Variants in GAL3ST1 observed in about 807,000 individuals in gnomAD.
GAL3ST1 encodes the protein galactosylceramide sulfotransferase.
In GAL3ST1, 13 loss-of-function variants were observed where a neutral mutation model predicts 25.0. The observed-to-expected ratio is 0.52, with a 90% CI of 0.34 to 0.83. The LOEUF is 0.83. Among genes scored for constraint, GAL3ST1 ranks in the 40% least tolerant of loss-of-function variants. The probability of loss-of-function intolerance (pLI) is 0.02; values close to 1 mark genes in which losing one functional copy is unlikely to be tolerated. For missense variants in GAL3ST1, 474 were observed against 613.6 expected (o/e 0.77, Z 2.40); for synonymous variants, 274 against 277.8 (o/e 0.99, Z 0.14).
chr22:30,560,059 G>A (rs1217837661), intron 1 of GAL3ST1, among the ~76,000 whole-genome samples: 3 of 152,146 alleles, frequency 2.0e-5, no homozygotes, highest in Non-Finnish European at 4.4e-5. Flanking sequence ...CTTGAGCCTG[G>A]GGGGCAGAGG....
intron 3 of GAL3ST1, among the ~76,000 whole-genome samples, chr22:30,556,463 C>T (rs1357178197): frequency 1.3e-5 from 2 of 152,102 alleles, no homozygotes; most frequent in African/African-American, 2.4e-5. Flanking sequence ...GCAGTTTCCT[C>T]TGTGTCAAGT....
At chr22:30,561,941 C>T (rs2086432875) in intron 1 of GAL3ST1, among the ~76,000 whole-genome samples, 2 of 152,184 alleles carry the variant, frequency 1.3e-5, no homozygotes, top group African/African-American at 4.8e-5. Flanking sequence ...AAGATCAAGG[C>T]ACACAGAGCG....
rs371925797 is a variant in GAL3ST1 at position 30,555,964 on chromosome 22, G to A, written c.261C>T (p.Ala87=). The A allele has an allele frequency of 3.7e-6, 6 of 1,613,830 alleles. No homozygotes were observed. The African/African-American group carries it at 6.7e-5, about 18-fold the overall frequency. The part of the protein sequence containing the change: ...NIVFLKTHKT[A]SSTLLNILFR... ...ACAGGATGTTGAGCAGGGTGCTGCTGGCCGTCTTGTGCGTCTTCAAGAACA... is the reference window on the plus strand; with the variant it reads ...ACAGGATGTTGAGCAGGGTGCTGCTAGCCGTCTTGTGCGTCTTCAAGAACA... The change falls in exon 4 of 4, where the codon GCC becomes GCT. Residue 87 remains alanine (A), a synonymous_variant. Coordinates refer to ENST00000406361, the MANE Select transcript of GAL3ST1 (RefSeq NM_001318104.2). This position sits in a 1 kb window ranked among gnomAD's most constrained non-coding sequence, Gnocchi z 8.6.
intron 1 of GAL3ST1, among the ~76,000 whole-genome samples, chr22:30,572,022 G>A (rs944885721): frequency 1.3e-5 from 2 of 152,190 alleles, no homozygotes; most frequent in Non-Finnish European, 2.9e-5. Context: ...AGCTCTTCCT[G>A]CTACACTGCC....
intron 2 of GAL3ST1, 108 bp from the exon 3 acceptor site, chr22:30,557,509 C>T: frequency 1.6e-6 from 2 of 1,246,388 alleles, no homozygotes; most frequent in Non-Finnish European, 2.3e-6. Flanking sequence ...GCTCTGTGGC[C>T]CCCCAGCAGG....
At chr22:30,570,762 G>T (rs926796833) in intron 1 of GAL3ST1, among the ~76,000 whole-genome samples, 2 of 148,030 alleles carry the variant, frequency 1.4e-5, no homozygotes, top group Non-Finnish European at 3.0e-5. Context: ...CTCCAGCCTA[G>T]GCAAAAAGAA....
chr22:30,570,977 T>TACACACACACACACACACAC (rs67031445), intron 1 of GAL3ST1, among the ~76,000 whole-genome samples: 9 of 146,088 alleles, frequency 6.2e-5, no homozygotes, highest in African/African-American at 2.3e-4. Flanking sequence ...TCTGTGATGA[T>TACACACACACACACACACAC]ACACACACAC....
Position 30,569,716 on chromosome 22 carries a change from TGAA to T in GAL3ST1, c.-120+4747_-120+4749del, listed in dbSNP as rs932207116. Among the ~76,000 whole-genome samples the T allele has an allele frequency of 3.3e-5, 5 of 151,826 alleles. No homozygotes were observed. The South Asian group carries it at 6.2e-4, about 19-fold the overall frequency. On this transcript the variant is annotated intron_variant, in intron 1 of 3. Coordinates refer to ENST00000406361, the MANE Select transcript of GAL3ST1 (RefSeq NM_001318104.2). The stretch of plus-strand genomic sequence containing the variant: ...GGGAGCCTGTGCTTACGGAGCAGGG[TGAA>T]GAAGAGCTCCCTAAGGAGACAAAAC...
intron 1 of GAL3ST1, among the ~76,000 whole-genome samples, chr22:30,561,739 A>C (rs1260968844): frequency 6.6e-6 from 1 of 152,126 alleles, no homozygotes; most frequent in Non-Finnish European, 1.5e-5. Context: ...CTGTGGGCTG[A>C]GCCTGCGGCC....
chr22:30,555,687 C>G lies in GAL3ST1; in HGVS notation c.538G>C (p.Val180Leu), dbSNP rs777366443. The change falls in exon 4 of 4, where the codon GTG becomes CTG. Residue 180 changes from valine (V) to leucine (L), a missense_variant. Coordinates refer to ENST00000406361, the MANE Select transcript of GAL3ST1 (RefSeq NM_001318104.2). This position sits in a 1 kb window ranked among gnomAD's most constrained non-coding sequence, Gnocchi z 8.6. ...FESSFHYFGP[V>L]VPLTWKLSAG... is the part of the protein sequence containing the mutation. Reference sequence around the variant, plus strand: ...GAGAGCTTCCACGTGAGGGGCACCACCGGCCCGAAGTAGTGGAAGGAGGAC... The same window carrying G: ...GAGAGCTTCCACGTGAGGGGCACCAGCGGCCCGAAGTAGTGGAAGGAGGAC... The G allele has an allele frequency of 1.2e-5, 19 of 1,613,778 alleles. No homozygotes were observed. In the South Asian group the frequency reaches 2.1e-4, roughly 18 times the overall value.
intron 1 of GAL3ST1, among the ~76,000 whole-genome samples, chr22:30,562,519 T>A (rs914856093): frequency 1.3e-5 from 2 of 152,190 alleles, no homozygotes; most frequent in Admixed American, 1.3e-4. Context: ...CAACTCATAT[T>A]AATTATTATC....
intron 1 of GAL3ST1, among the ~76,000 whole-genome samples, chr22:30,568,133 G>A (rs1291423936): frequency 6.6e-6 from 1 of 152,224 alleles, no homozygotes; most frequent in Non-Finnish European, 1.5e-5. Context: ...GCGTGTGATG[G>A]ACAACGGATT....
At chr22:30,570,282 A>G (rs1601982837) in intron 1 of GAL3ST1, among the ~76,000 whole-genome samples, 1 of 152,124 alleles carries the variant, frequency 6.6e-6, no homozygotes, top group African/African-American at 2.4e-5. Context: ...AACTCTCCCT[A>G]TGATGTTCGT....
chr22:30,555,178 GC>G lies in GAL3ST1; in HGVS notation c.1046del (p.Gly349AlafsTer53). The G allele has an allele frequency of 1.2e-6, 2 of 1,601,752 alleles. No homozygotes were observed. Among genetic ancestry groups the G allele is most frequent in the Non-Finnish European group, 1.7e-6 (2 of 1,176,330 alleles). On this transcript the variant is annotated frameshift_variant, in exon 4 of 4. Transcript: ENST00000406361. LOFTEE classifies it high-confidence loss of function. The surrounding 1 kb of genome is among the most constrained non-coding windows in gnomAD (Gnocchi z 8.6). ...GGATGGCGGCGGCGTCCACGGCGTGGCCCCCGTCGATGCAGATGGTCCGCAT... is the reference window on the plus strand; with the variant it reads ...GGATGGCGGCGGCGTCCACGGCGTGGCCCCGTCGATGCAGATGGTCCGCAT... ...ERMRTICIDGGHAVDAAAIQD... is the reference protein window; with the variant it reads ...ERMRTICIDGXHAVDAAAIQD...
At chr22:30,568,596 A>G (rs1601978299) in intron 1 of GAL3ST1, among the ~76,000 whole-genome samples, 1 of 152,250 alleles carries the variant, frequency 6.6e-6, no homozygotes, top group Non-Finnish European at 1.5e-5. Context: ...TACAGCAGCT[A>G]GCATTAACTA....
rs1207026980 is a variant in GAL3ST1 at position 30,555,248 on chromosome 22, C to T, written c.977G>A (p.Arg326His). 6 of 1,596,878 alleles carry T rather than the reference C, an allele frequency of 3.8e-6. No individual in the cohort carries two copies. Among genetic ancestry groups the T allele is most frequent in the South Asian group, 2.2e-5 (2 of 90,330 alleles). Residue 326 changes from arginine to histidine, a missense_variant, in exon 4 of 4, where the codon CGC becomes CAC. Physicochemically the swap from Arg to His is conservative, Grantham distance 29. This residue lies in a region of GAL3ST1 where 359 missense variants were observed against 504.4 expected (regional missense o/e 0.71). Transcript: ENST00000406361. The surrounding 1 kb of genome is among the most constrained non-coding windows in gnomAD (Gnocchi z 8.6). ...CAGGGCGGCCACCTCGCGGGCCATGCGCTCCCGCCCGAAGGCCTCCACCTT... is the reference window on the plus strand; with the variant it reads ...CAGGGCGGCCACCTCGCGGGCCATGTGCTCCCGCCCGAAGGCCTCCACCTT... ...WRKVEAFGRE[R>H]MAREVAALRH...
intron 1 of GAL3ST1, among the ~76,000 whole-genome samples, chr22:30,560,126 AGAGT>A (rs1423079993): frequency 6.6e-6 from 1 of 152,198 alleles, no homozygotes; most frequent in Non-Finnish European, 1.5e-5. Flanking sequence ...CTGGGTGACC[AGAGT>A]GAGGCCCCAT....
intron 1 of GAL3ST1, among the ~76,000 whole-genome samples, chr22:30,573,055 G>C (rs1292428751): frequency 1.3e-5 from 2 of 152,186 alleles, no homozygotes; most frequent in African/African-American, 4.8e-5. Context: ...CCTCCAGGAA[G>C]GGCTCTGCCT....
chr22:30,558,843 C>G (rs1391993394), intron 1 of GAL3ST1, among the ~76,000 whole-genome samples: 1 of 152,128 alleles, frequency 6.6e-6, no homozygotes, highest in Non-Finnish European at 1.5e-5. Context: ...CCAAATATTG[C>G]ATGGGACATA....
Sources: gnomAD v4.1 joint callset for allele counts (sites outside exome capture counted in the v4.1 genomes callset) on GRCh38, gnomAD v4.1.1 for gene constraint, gnomAD v4.1.1 regional missense constraint, Gnocchi (gnomAD v3.1) non-coding constraint, MANE v1.5 for transcripts, NCBI Gene and HGNC (gene_info 2026-07-23, HGNC 2026-07-21) for gene names.